TTC27: variants seen among roughly 807,000 people sequenced by gnomAD.
The protein encoded by TTC27 is tetratricopeptide repeat domain 27, also known as tetratricopeptide repeat protein 27.
A neutral mutation model predicts 115.9 loss-of-function variants in TTC27; 79 were observed. The observed-to-expected ratio is 0.68, with a 90% CI of 0.57 to 0.82. The LOEUF is 0.82. Among genes scored for constraint, TTC27 ranks in the 40% least tolerant of loss-of-function variants. The pLI is 0.00. For missense variants in TTC27, 1,054 were observed against 993.1 expected, an observed-to-expected ratio of 1.06 and a Z score of -0.82; for synonymous variants, 401 against 356.0, an observed-to-expected ratio of 1.13 and a Z score of -1.42.
intron 7 of TTC27, among the ~76,000 whole-genome samples, chr2:32,669,334 A>G (rs1665919875): frequency 6.6e-6 from 1 of 152,204 alleles, no homozygotes; most frequent in African/African-American, 2.4e-5. Flanking sequence ...CATTCAGATA[A>G]TCTTATGGTC....
intron 10 of TTC27, 63 bp downstream of exon 10, chr2:32,702,983 C>A: frequency 8.8e-7 from 1 of 1,133,094 alleles, no homozygotes; most frequent in Non-Finnish European, 1.3e-6. Context: ...AGTAAGCATA[C>A]ATGTTTGCTA....
intron 10 of TTC27, among the ~76,000 whole-genome samples, chr2:32,715,800 C>T (rs1667733333): frequency 6.6e-6 from 1 of 151,552 alleles, no homozygotes; most frequent in African/African-American, 2.4e-5. Flanking sequence ...AATGTACTGT[C>T]AGGATTTGTT....
In TTC27 at chr2:32,628,304, G is replaced by A; in HGVS notation, c.12G>A (p.Pro4=). The change falls in exon 1 of 20, where the codon CCG becomes CCA. Residue 4 remains proline, a synonymous_variant. Transcript: ENST00000317907. MWT[P]ELAILRGFPT... The stretch of plus-strand genomic sequence containing the variant: ...CGGTGTCTGGGGTGATGTGGACCCC[G>A]GAGCTGGCAATTCTGAGGGGATTCC... 6.2e-7 allele frequency: 1 copy of A among 1,605,978 alleles called. No individual in the cohort carries two copies. Among genetic ancestry groups the A allele is most frequent in the Non-Finnish European group, 8.5e-7 (1 of 1,177,388 alleles).
intron 13 of TTC27, among the ~76,000 whole-genome samples, chr2:32,760,357 T>A (rs1410231718): frequency 2.0e-5 from 3 of 152,216 alleles, no homozygotes; most frequent in African/African-American, 7.2e-5. Flanking sequence ...GGGATGATTT[T>A]GTCCCCCAGA....
intron 12 of TTC27, among the ~76,000 whole-genome samples, chr2:32,755,814 GTGT>G (rs1189191605): frequency 3.3e-5 from 5 of 152,184 alleles, no homozygotes; most frequent in Non-Finnish European, 7.3e-5. Context: ...AAAACACTGA[GTGT>G]TGTTTGCTTT....
At chr2:32,661,986 T>G (rs930671423) in intron 5 of TTC27, among the ~76,000 whole-genome samples, 8 of 152,174 alleles carry the variant, frequency 5.3e-5, no homozygotes, top group African/African-American at 1.9e-4. Flanking sequence ...AAGGGCTGTT[T>G]AAGTTTACTG....
intron 10 of TTC27, among the ~76,000 whole-genome samples, chr2:32,726,580 A>G (rs964206436): frequency 1.3e-5 from 2 of 152,202 alleles, no homozygotes; most frequent in Non-Finnish European, 2.9e-5. Flanking sequence ...CATTTTGGTC[A>G]AAGCCATTCA....
At chr2:32,795,293 A>C (rs775434267) in intron 16 of TTC27, among the ~76,000 whole-genome samples, 1 of 152,060 alleles carries the variant, frequency 6.6e-6, no homozygotes. Context: ...ATGGTTTAAC[A>C]TATGAAATAG....
At chr2:32,726,809 G>A (rs756406187) in intron 10 of TTC27, among the ~76,000 whole-genome samples, 1 of 152,156 alleles carries the variant, frequency 6.6e-6, no homozygotes, top group Non-Finnish European at 1.5e-5. Context: ...ATTTACATAG[G>A]AAAACGGGGT....
At chr2:32,768,952 T>C (rs1329399134) in intron 13 of TTC27, among the ~76,000 whole-genome samples, 1 of 152,184 alleles carries the variant, frequency 6.6e-6, no homozygotes, top group Non-Finnish European at 1.5e-5. Flanking sequence ...TTTTGGATGT[T>C]GAATATGAGG....
intron 12 of TTC27, among the ~76,000 whole-genome samples, chr2:32,746,281 G>A (rs927845961): frequency 4.4e-4 from 66 of 150,298 alleles, no homozygotes; most frequent in African/African-American, 1.5e-3. Flanking sequence ...TGCACATCTG[G>A]CCAGGCACAG....
At chr2:32,802,429 C>G (rs901963920) in intron 16 of TTC27, among the ~76,000 whole-genome samples, 1 of 152,070 alleles carries the variant, frequency 6.6e-6, no homozygotes, top group Non-Finnish European at 1.5e-5. Context: ...ATTATCACCC[C>G]CATTTCTCTG....
intron 10 of TTC27, among the ~76,000 whole-genome samples, chr2:32,721,781 C>T (rs573999081): frequency 1.3e-5 from 2 of 152,218 alleles, no homozygotes; most frequent in East Asian, 3.9e-4. Context: ...GGACTATAGG[C>T]ACACACAACC....
At position 32,812,250 on chromosome 2, in the gene TTC27, A is replaced by C. The variant is rs147495014; in HGVS notation, c.2197-254A>C. On this transcript the variant is annotated intron_variant, in intron 17 of 19. Transcript: ENST00000317907. ...AAATCTGTATATTTACAGATTTCCA[A>C]ACCTGGCCTTTATATCTTTCTGGTT... Among the ~76,000 whole-genome samples, 118 of 152,346 alleles carry C rather than the reference A, an allele frequency of 7.7e-4. 2 individuals carry two copies. The highest frequency in any genetic ancestry group is 4.8e-3 in the East Asian group (25 of 5,186).
intron 5 of TTC27, among the ~76,000 whole-genome samples, chr2:32,662,493 T>C (rs1452995988): frequency 2.0e-5 from 3 of 152,206 alleles, no homozygotes; most frequent in Non-Finnish European, 4.4e-5. Context: ...TGGTTTAGTC[T>C]TGGGAGGGTG....
intron 15 of TTC27, among the ~76,000 whole-genome samples, chr2:32,785,471 C>T (rs570975845): frequency 6.6e-6 from 1 of 151,980 alleles, no homozygotes; most frequent in Admixed American, 6.6e-5. Flanking sequence ...CTCATTCTTT[C>T]CTCTCTTTCC....
intron 10 of TTC27, among the ~76,000 whole-genome samples, chr2:32,733,608 G>T (rs1372487632): frequency 6.6e-6 from 1 of 152,144 alleles, no homozygotes; most frequent in Non-Finnish European, 1.5e-5. Context: ...ACTTTTTCTG[G>T]TAAGTTTTTA....
Position 32,634,093 on chromosome 2 carries a change from G to A in TTC27, c.396+88G>A, listed in dbSNP as rs1280068291. On this transcript the variant is annotated intron_variant, in intron 3 of 19. Coordinates refer to ENST00000317907, the MANE Select transcript of TTC27 (RefSeq NM_017735.5). ...CTTTATAAACTGGAACTCATAGTAG[G>A]AAAGAAACATGACTTTATGGTTTGC... The A allele has an allele frequency of 3.5e-6, 5 of 1,409,748 alleles. No homozygotes were observed. The Admixed American group carries it at 9.3e-5, about 26-fold the overall frequency. The allele number at this position is 1,409,748 out of a possible 1,614,324, so 87.3% of individuals were successfully genotyped here.
At chr2:32,782,016 A>G (rs962995666) in intron 14 of TTC27, among the ~76,000 whole-genome samples, 11 of 152,200 alleles carry the variant, frequency 7.2e-5, no homozygotes, top group Admixed American at 1.3e-4. Flanking sequence ...GATATATACT[A>G]TATTAGATGA....
Sources: gnomAD v4.1 joint callset for allele counts (sites outside exome capture counted in the v4.1 genomes callset) on GRCh38, gnomAD v4.1.1 for gene constraint, MANE v1.5 for transcripts, NCBI Gene and HGNC (gene_info 2026-07-23, HGNC 2026-07-21) for gene names.